The following KIF20B variants were observed in gnomAD, a reference collection of about 807,000 sequenced individuals.
The protein encoded by KIF20B is kinesin family member 20B.
KIF20B carries 188 observed loss-of-function variants against 232.5 expected under a neutral mutation model. That is an observed-to-expected ratio of 0.81 (90% CI 0.72 to 0.91). The LOEUF (loss-of-function observed/expected upper bound fraction) is 0.91, where lower values mean the gene tolerates loss of function less well. Among genes scored for constraint, KIF20B ranks in the 40% least tolerant of loss-of-function variants. The pLI is 0.00. For missense variants in KIF20B, 2,154 were observed against 2,055.9 expected (o/e 1.05, Z -0.92); for synonymous variants, 712 against 683.0 (o/e 1.04, Z -0.66).
At chr10:89,751,593 G>A (rs566927138) in intron 24 of KIF20B, 122 bp downstream of exon 24, 38 of 960,410 alleles carry the variant, frequency 4.0e-5, no homozygotes, top group South Asian at 1.6e-4. Context: ...AAAGTATTTG[G>A]TGTTTTTTGA....
chr10:89,706,454 G>C (rs74852916), intron 2 of KIF20B, among the ~76,000 whole-genome samples: 3 of 151,784 alleles, frequency 2.0e-5, no homozygotes, highest in Admixed American at 6.6e-5. Context: ...GAATTTTTTT[G>C]TGTGTGTGTT....
chr10:89,768,920 T>A (rs994743869), intron 31 of KIF20B, 32 bp downstream of exon 31: 3 of 1,536,510 alleles, frequency 2.0e-6, no homozygotes, highest in East Asian at 4.5e-5. Context: ...TGACCTTTTT[T>A]TGTTAGATGT....
intron 21 of KIF20B, among the ~76,000 whole-genome samples, chr10:89,740,923 A>G (rs908786236): frequency 6.6e-6 from 1 of 152,152 alleles, no homozygotes; most frequent in Non-Finnish European, 1.5e-5. Context: ...TTTTGGTACC[A>G]GTGATTGGTT....
Position 89,709,247 on chromosome 10 carries a change from G to T in KIF20B, c.228G>T (p.Glu76Asp). Residue 76 changes from glutamate (E) to aspartate (D), a missense_variant, in exon 3 of 33, where the codon GAG (glutamate) becomes GAT (aspartate). Transcript: ENST00000371728. ...TTACACAGTCAGAAAAAGAACTTGA[G>T]TCTGAGGTTTGTGTTGAATTTAATA... Reference protein sequence around the residue: ...RPFTQSEKELESEGCVHILDS... With the variant: ...RPFTQSEKELDSEGCVHILDS... 1 of 1,607,092 alleles carries T rather than the reference G, an allele frequency of 6.2e-7. No homozygotes were observed. Among genetic ancestry groups the T allele is most frequent in the South Asian group, 1.1e-5 (1 of 89,860 alleles).
intron 26 of KIF20B, among the ~76,000 whole-genome samples, chr10:89,757,140 C>T (rs1352466436): frequency 4.7e-5 from 7 of 149,462 alleles, no homozygotes; most frequent in African/African-American, 1.2e-4. Context: ...CACTGATTTT[C>T]GAAGCAGTTG....
rs548202480 is a variant in KIF20B, at chr10:89,717,710, G to A, written c.1259G>A (p.Ser420Asn). ...LGKCINVLKN[S>N]EKSKFQQHVP... is the part of the protein sequence containing the mutation. Reference sequence around the variant, plus strand: ...AAGTGTATTAACGTCTTGAAGAATAGTGAAAAGTCAAAGTAAGTGTTTCTG... The same window carrying A: ...AAGTGTATTAACGTCTTGAAGAATAATGAAAAGTCAAAGTAAGTGTTTCTG... Residue 420 changes from serine (S) to asparagine (N), a missense_variant, in exon 11 of 33, where the codon AGT becomes AAT. By Grantham distance (46) the Ser-to-Asn change is conservative. Coordinates refer to ENST00000371728, the MANE Select transcript of KIF20B (RefSeq NM_001284259.2). The A allele has an allele frequency of 2.5e-6, 4 of 1,592,666 alleles. No individual in the cohort carries two copies. The African/African-American group carries it at 5.4e-5, about 21-fold the overall frequency.
At chr10:89,726,196 T>G in intron 15 of KIF20B, 97 bp from the exon 16 acceptor site, 1 of 1,321,160 alleles carries the variant, frequency 7.6e-7, no homozygotes, top group Non-Finnish European at 9.7e-7. Context: ...AGTGATGAAT[T>G]TTTTGCTTTT....
At chr10:89,733,189 T>G in intron 19 of KIF20B, 133 bp downstream of exon 19, 2 of 861,018 alleles carry the variant, frequency 2.3e-6, no homozygotes, top group Non-Finnish European at 1.8e-6. Context: ...CTTGAATTTT[T>G]ATTCTGGAAA....
Position 89,751,354 on chromosome 10 carries a change from G to A in KIF20B, c.4105G>A (p.Val1369Ile). The A allele has an allele frequency of 1.2e-6, 2 of 1,601,834 alleles. No homozygotes were observed. Among genetic ancestry groups the A allele is most frequent in the Non-Finnish European group, 1.7e-6 (2 of 1,174,950 alleles). ...TCTCCCCCGATTTTTAGATCTAAAT[G>A]TTAAAGAGAAAATAATTGAAGACAT... ...QYERACKDLN[V>I]KEKIIEDMRM... is the part of the protein sequence containing the mutation. The change falls in exon 24 of 33, where the codon GTT (valine) becomes ATT (isoleucine). Residue 1369 changes from valine to isoleucine, a missense_variant. By Grantham distance (29) the Val-to-Ile change is conservative. Coordinates refer to ENST00000371728, the MANE Select transcript of KIF20B (RefSeq NM_001284259.2).
At chr10:89,722,333 CTT>C (rs1272693421) in intron 13 of KIF20B, among the ~76,000 whole-genome samples, 1 of 152,190 alleles carries the variant, frequency 6.6e-6, no homozygotes. Context: ...TCAGCAAAAA[CTT>C]TATCAGATGC....
Position 89,743,912 on chromosome 10 carries a change from C to A in KIF20B, c.4020C>A (p.Thr1340=). 1 of 1,583,988 alleles carries A rather than the reference C, an allele frequency of 6.3e-7. No individual in the cohort carries two copies. Among genetic ancestry groups the A allele is most frequent in the Admixed American group, 1.9e-5 (1 of 53,668 alleles). The part of the protein sequence containing the change: ...CSQELDMKQR[T]IQQLKEQLNN... ...AGGAATTAGATATGAAACAGCGAAC[C>A]ATTCAGCAACTCAAGGTAAACAGTT... Residue 1340 remains threonine (T), a synonymous_variant, in exon 22 of 33, where the codon ACC becomes ACA. Coordinates refer to ENST00000371728, the MANE Select transcript of KIF20B (RefSeq NM_001284259.2).
chr10:89,724,584 T>G (rs968397792), intron 14 of KIF20B, among the ~76,000 whole-genome samples: 3 of 152,096 alleles, frequency 2.0e-5, no homozygotes, highest in Non-Finnish European at 4.4e-5. Context: ...GTTATTTAAA[T>G]TTTCTCTCTT....
chr10:89,769,180 CTGA>C (rs1361718290), intron 31 of KIF20B, among the ~76,000 whole-genome samples: 1 of 151,874 alleles, frequency 6.6e-6, no homozygotes, highest in Non-Finnish European at 1.5e-5. Flanking sequence ...AAGAGCTACT[CTGA>C]TTAGGGGGCT....
chr10:89,715,950 C>T (rs995220873), intron 8 of KIF20B, among the ~76,000 whole-genome samples: 8 of 152,086 alleles, frequency 5.3e-5, no homozygotes, highest in African/African-American at 1.7e-4. Context: ...ATGATCACGC[C>T]TTTGCACTCC....
chr10:89,708,711 A>G (rs183339810), intron 2 of KIF20B, among the ~76,000 whole-genome samples: 56 of 152,354 alleles, frequency 3.7e-4, no homozygotes, highest in African/African-American at 1.0e-3. Flanking sequence ...AAAAAACATT[A>G]AAACATTTCT....
At chr10:89,740,505 C>T (rs1841774872) in intron 21 of KIF20B, among the ~76,000 whole-genome samples, 1 of 152,264 alleles carries the variant, frequency 6.6e-6, no homozygotes, top group Admixed American at 6.5e-5. Context: ...CTCTCTTCCA[C>T]AGAGTTTGGT....
chr10:89,707,316 C>T (rs779233947), intron 2 of KIF20B, among the ~76,000 whole-genome samples: 6 of 152,094 alleles, frequency 3.9e-5, no homozygotes, highest in Non-Finnish European at 8.8e-5. Context: ...CCTTGAGGCT[C>T]CTTGTAAGTG....
chr10:89,774,198 A>G lies in KIF20B; in HGVS notation c.*150A>G, dbSNP rs1842523455. On this transcript the variant is annotated 3_prime_UTR_variant, in exon 33 of 33. Transcript: ENST00000371728. ...ACATAGTATAATTTTAATTCAATAAATGAGTCAAAATTTGTATATTTTTAT... is the reference window on the plus strand; with the variant it reads ...ACATAGTATAATTTTAATTCAATAAGTGAGTCAAAATTTGTATATTTTTAT... 2.4e-6 allele frequency: 1 copy of G among 408,558 alleles called. No individual in the cohort carries two copies. The highest frequency in any genetic ancestry group is 4.5e-5 in the Admixed American group (1 of 22,370). 25.3% of individuals were successfully genotyped at this position (408,558 alleles called of 1,614,324 possible). A position where few individuals can be genotyped will look rare whatever the true frequency, so the allele number is the denominator to read the frequency against.
intron 19 of KIF20B, among the ~76,000 whole-genome samples, chr10:89,735,785 G>A (rs913488682): frequency 1.3e-5 from 2 of 151,940 alleles, no homozygotes; most frequent in African/African-American, 2.4e-5. Flanking sequence ...TGATCCACCC[G>A]CCTCTGCCTC....
Sources: allele counts gnomAD v4.1 joint callset (sites outside exome capture counted in the v4.1 genomes callset), GRCh38; gene constraint gnomAD v4.1.1; transcripts MANE v1.5; gene names NCBI Gene and HGNC (gene_info 2026-07-23, HGNC 2026-07-21).